IL17RD: variants seen among roughly 807,000 people sequenced by gnomAD.
IL17RD encodes the protein interleukin 17 receptor D, also known as interleukin-17 receptor D.
In IL17RD, 52 loss-of-function variants were observed where a neutral mutation model predicts 80.5. That is an observed-to-expected ratio of 0.65 (90% CI 0.52 to 0.81). The LOEUF (loss-of-function observed/expected upper bound fraction) is 0.81. IL17RD is among the 40% of genes least tolerant of loss of function. The pLI is 0.00. For missense variants in IL17RD, 1,024 were observed against 955.1 expected, an observed-to-expected ratio of 1.07 and a Z score of -0.95; for synonymous variants, 416 against 391.8, an observed-to-expected ratio of 1.06 and a Z score of -0.73.
At chr3:57,140,536 A>G (rs1052757455) in intron 1 of IL17RD, among the ~76,000 whole-genome samples, 10 of 152,242 alleles carry the variant, frequency 6.6e-5, no homozygotes, top group African/African-American at 2.4e-4. Flanking sequence ...TGGCACTAAT[A>G]CAAGTATTAA....
intron 11 of IL17RD, among the ~76,000 whole-genome samples, chr3:57,099,608 T>TA (rs1224955866): frequency 6.6e-6 from 1 of 152,228 alleles, no homozygotes; most frequent in African/African-American, 2.4e-5. Context: ...TTGCTGAAAA[T>TA]AACCCTGAAT....
intron 1 of IL17RD, among the ~76,000 whole-genome samples, chr3:57,150,682 TGA>T (rs1186735852): frequency 6.6e-6 from 1 of 152,208 alleles, no homozygotes; most frequent in Non-Finnish European, 1.5e-5. Context: ...CTGATGGATG[TGA>T]GAGATCGGGA....
At chr3:57,127,930 T>C (rs1707529584) in intron 1 of IL17RD, among the ~76,000 whole-genome samples, 2 of 152,118 alleles carry the variant, frequency 1.3e-5, no homozygotes, top group Admixed American at 6.5e-5. Flanking sequence ...GTTCAAACCT[T>C]TAACAACAAC....
Position 57,148,293 on chromosome 3 carries a change from C to G in IL17RD, c.126+16868G>C, listed in dbSNP as rs538242399. On this transcript the variant is annotated intron_variant, in intron 1 of 12. Coordinates refer to ENST00000296318, the MANE Select transcript of IL17RD (RefSeq NM_017563.5). ...TGAGCCAAGATGGTGCCACTGCACT[C>G]CAGCCTGGGCAACAGAGCGAGACTC... 3.6e-4 allele frequency among the ~76,000 whole-genome samples: 53 copies of G among 147,406 alleles called. 1 individual carries two copies. Among genetic ancestry groups the G allele is most frequent in the African/African-American group, 1.3e-3 (49 of 37,988 alleles).
At chr3:57,161,103 C>G (rs990415309) in intron 1 of IL17RD, among the ~76,000 whole-genome samples, 2 of 152,198 alleles carry the variant, frequency 1.3e-5, no homozygotes, top group African/African-American at 4.8e-5. Flanking sequence ...TCCCAATTAA[C>G]TAGGCAAAAC....
rs192997518 is a variant in IL17RD, at chr3:57,165,051, C to T, written c.126+110G>A. 9.5e-4 allele frequency: 1,285 copies of T among 1,358,116 alleles called. 12 individuals carry two copies. In the African/African-American group the frequency reaches 0.018, roughly 19 times the overall value. 84.1% of individuals were successfully genotyped at this position (1,358,116 alleles called of 1,614,324 possible). A position where few individuals can be genotyped will look rare whatever the true frequency, so the allele number is the denominator to read the frequency against. On this transcript the variant is annotated intron_variant, in intron 1 of 12. Coordinates refer to ENST00000296318, the MANE Select transcript of IL17RD (RefSeq NM_017563.5). ...GAGTGAGACCCAGGCCGGCCGCGGA[C>T]CCCGCGAAGAGCAGACAGGTTGGCG...
chr3:57,102,702 A>G (rs1176114802), intron 9 of IL17RD, 113 bp from the exon 10 acceptor site: 1 of 497,342 alleles, frequency 2.0e-6, no homozygotes, highest in Admixed American at 3.6e-5. Flanking sequence ...GGACCATGCA[A>G]CCACCTTTCT....
At chr3:57,111,746 G>A (rs925689161) in intron 3 of IL17RD, among the ~76,000 whole-genome samples, 3 of 151,714 alleles carry the variant, frequency 2.0e-5, no homozygotes, top group Non-Finnish European at 4.4e-5. Context: ...CGAGGCGGGC[G>A]AATCACAAGG....
chr3:57,145,803 C>A (rs1189928917), intron 1 of IL17RD, among the ~76,000 whole-genome samples: 1 of 152,198 alleles, frequency 6.6e-6, no homozygotes, highest in Non-Finnish European at 1.5e-5. Flanking sequence ...AAACTGACAG[C>A]CTTATGGGTC....
At chr3:57,108,994 T>C (rs1707030582) in intron 5 of IL17RD, among the ~76,000 whole-genome samples, 1 of 152,120 alleles carries the variant, frequency 6.6e-6, no homozygotes, top group African/African-American at 2.4e-5. Flanking sequence ...AAATATCAAC[T>C]GTCAGGTCTG....
At chr3:57,104,263 A>T in intron 8 of IL17RD, 79 bp downstream of exon 8, 1 of 939,882 alleles carries the variant, frequency 1.1e-6, no homozygotes, top group Non-Finnish European at 1.7e-6. Context: ...TTGAAATTTT[A>T]GTGTTGTAAA....
At chr3:57,107,379 G>GAA (rs759476261) in intron 5 of IL17RD, among the ~76,000 whole-genome samples, 21,599 of 70,932 alleles carry the variant, frequency 0.3, 2,159 homozygotes, top group South Asian at 0.49. Flanking sequence ...ACTCCATCTC[G>GAA]AAAAAAAAAA....
intron 1 of IL17RD, among the ~76,000 whole-genome samples, chr3:57,132,132 G>T (rs1443899480): frequency 6.6e-6 from 1 of 150,412 alleles, no homozygotes; most frequent in Non-Finnish European, 1.5e-5. Context: ...ACCGTAGTGA[G>T]CCGAGATCAC....
At chr3:57,163,488 A>C (rs1233432660) in intron 1 of IL17RD, among the ~76,000 whole-genome samples, 1 of 151,982 alleles carries the variant, frequency 6.6e-6, no homozygotes, top group Non-Finnish European at 1.5e-5. Flanking sequence ...TGGCATAAGA[A>C]GCCACCTTGG....
intron 9 of IL17RD, 99 bp downstream of exon 9, chr3:57,102,992 A>G (rs547989428): frequency 3.7e-6 from 3 of 820,652 alleles, no homozygotes; most frequent in African/African-American, 3.5e-5. Context: ...GAGAGGAGCC[A>G]AATTTTGTTT....
At chr3:57,163,801 GA>G (rs2060324647) in intron 1 of IL17RD, among the ~76,000 whole-genome samples, 3 of 64,162 alleles carry the variant, frequency 4.7e-5, no homozygotes, top group African/African-American at 6.5e-5. Context: ...GGCGGGGGGG[GA>G]AGGGGGTGGC....
At chr3:57,103,225 C>T (rs1706878213) in intron 8 of IL17RD, 80 bp from the exon 9 acceptor site, 5 of 1,235,712 alleles carry the variant, frequency 4.0e-6, no homozygotes, top group African/African-American at 1.5e-5. Context: ...TAATTTCATT[C>T]ATCTTTTCCA....
At chr3:57,122,014 G>C (rs76103595) in intron 1 of IL17RD, among the ~76,000 whole-genome samples, 2 of 152,136 alleles carry the variant, frequency 1.3e-5, no homozygotes, top group African/African-American at 4.8e-5. Context: ...AGATTAACTG[G>C]GTAGGTAGAT....
chr3:57,122,894 C>A (rs1029479089), intron 1 of IL17RD, among the ~76,000 whole-genome samples: 1 of 151,914 alleles, frequency 6.6e-6, no homozygotes. Flanking sequence ...GGGACCCTGG[C>A]GACCAATCAC....
Sources: gnomAD v4.1 joint callset for allele counts (sites outside exome capture counted in the v4.1 genomes callset) on GRCh38, gnomAD v4.1.1 for gene constraint, MANE v1.5 for transcripts, NCBI Gene and HGNC (gene_info 2026-07-23, HGNC 2026-07-21) for gene names.